ADCY1: variants seen among roughly 807,000 people sequenced by gnomAD.
The protein encoded by ADCY1 is adenylate cyclase type 1.
In ADCY1, 28 loss-of-function variants were observed where a neutral mutation model predicts 105.4. That is an observed-to-expected ratio of 0.27 (90% CI 0.20 to 0.36). The LOEUF is 0.36. ADCY1 is among the 10% of genes least tolerant of loss of function. The probability of loss-of-function intolerance (pLI) is 1.00; values close to 1 mark genes in which losing one functional copy is unlikely to be tolerated. For missense variants in ADCY1, 977 were observed against 1,434.2 expected (o/e 0.68, Z 5.15); for synonymous variants, 655 against 623.8 (o/e 1.05, Z -0.75).
At chr7:45,641,112 C>G (rs1174500655) in intron 4 of ADCY1, among the ~76,000 whole-genome samples, 1 of 152,120 alleles carries the variant, frequency 6.6e-6, no homozygotes, top group East Asian at 1.9e-4. Context: ...CAGAGCTGTC[C>G]CTGTCAAGTC....
At chr7:45,689,125 G>A (rs1008196193) in intron 14 of ADCY1, among the ~76,000 whole-genome samples, 1 of 151,514 alleles carries the variant, frequency 6.6e-6, no homozygotes, top group Non-Finnish European at 1.5e-5. Context: ...TGAATTCCAG[G>A]TTCTGGAGTG....
At chr7:45,673,042 T>G (rs897102035) in intron 8 of ADCY1, among the ~76,000 whole-genome samples, 20 of 152,166 alleles carry the variant, frequency 1.3e-4, no homozygotes, top group African/African-American at 4.8e-4. Flanking sequence ...TGTCAAATGG[T>G]TTTTCTGTAT....
intron 1 of ADCY1, among the ~76,000 whole-genome samples, chr7:45,592,031 A>C (rs917483000): frequency 3.3e-5 from 5 of 149,586 alleles, no homozygotes; most frequent in African/African-American, 7.4e-5. Context: ...CCAAATCAAC[A>C]TCTGGGCTGT....
At chr7:45,637,928 C>T (rs965161309) in intron 4 of ADCY1, among the ~76,000 whole-genome samples, 1 of 152,186 alleles carries the variant, frequency 6.6e-6, no homozygotes, top group Non-Finnish European at 1.5e-5. Flanking sequence ...ATTGTCTTCT[C>T]TCATGCTGTC....
chr7:45,610,644 T>G (rs1584267826), intron 3 of ADCY1, 147 bp downstream of exon 3: 4 of 640,350 alleles, frequency 6.2e-6, no homozygotes, highest in African/African-American at 4.8e-5. Context: ...ATGGTGAAGG[T>G]GGGGAAGTGA....
At chr7:45,623,119 C>T in intron 4 of ADCY1, among the ~76,000 whole-genome samples, 1 of 152,214 alleles carries the variant, frequency 6.6e-6, no homozygotes, top group East Asian at 1.9e-4. Flanking sequence ...CTGGGCTCTA[C>T]TGGAGCAGGC....
chr7:45,671,906 G>A (rs958161561), intron 8 of ADCY1, among the ~76,000 whole-genome samples: 2 of 152,008 alleles, frequency 1.3e-5, no homozygotes, highest in Non-Finnish European at 2.9e-5. Flanking sequence ...TCTCAACAGG[G>A]TCTTCTGTTC....
At chr7:45,706,492 C>A (rs371860182) in intron 17 of ADCY1, among the ~76,000 whole-genome samples, 267 of 59,372 alleles carry the variant, frequency 4.5e-3, no homozygotes, top group South Asian at 0.015. Context: ...ACATCACATG[C>A]AAAAAAAAAA....
intron 8 of ADCY1, among the ~76,000 whole-genome samples, chr7:45,676,751 G>T (rs1358596083): frequency 6.6e-6 from 1 of 151,968 alleles, no homozygotes; most frequent in African/African-American, 2.4e-5. Context: ...GTGGGGCCTT[G>T]GGTGTGCCTC....
At chr7:45,678,295 C>T (rs1239382832) in intron 10 of ADCY1, 32 bp downstream of exon 10, 1 of 1,593,514 alleles carries the variant, frequency 6.3e-7, no homozygotes, top group Non-Finnish European at 8.6e-7. Flanking sequence ...GTGAGGAACT[C>T]ACCAAGAAGT....
At chr7:45,580,744 T>C (rs543253027) in intron 1 of ADCY1, among the ~76,000 whole-genome samples, 55 of 152,318 alleles carry the variant, frequency 3.6e-4, no homozygotes, top group African/African-American at 1.2e-3. Context: ...CACTGTGGAC[T>C]TGCCCTTTCT....
intron 12 of ADCY1, 131 bp downstream of exon 12, chr7:45,685,199 C>T (rs1784641985): frequency 2.5e-6 from 2 of 791,272 alleles, no homozygotes. Flanking sequence ...GGCATGGGGC[C>T]CCAAGGAGCC....
intron 2 of ADCY1, among the ~76,000 whole-genome samples, chr7:45,594,609 T>G (rs1291747152): frequency 6.6e-6 from 1 of 152,212 alleles, no homozygotes; most frequent in East Asian, 1.9e-4. Flanking sequence ...CTGCCTTTCC[T>G]AAGGACTCTC....
intron 4 of ADCY1, among the ~76,000 whole-genome samples, chr7:45,643,068 A>G (rs966603722): frequency 7.4e-5 from 10 of 134,654 alleles, no homozygotes; most frequent in African/African-American, 2.2e-4. Flanking sequence ...TAAATTTCCT[A>G]TTTTGGCAAG....
chr7:45,582,643 G>C (rs950589204), intron 1 of ADCY1, among the ~76,000 whole-genome samples: 1 of 152,148 alleles, frequency 6.6e-6, no homozygotes, highest in Non-Finnish European at 1.5e-5. Flanking sequence ...CTCCCTCCCA[G>C]TGTTTCTCCT....
chr7:45,718,651 G>A lies in ADCY1; in HGVS notation c.*4656G>A, dbSNP rs1431796193. ...GCAAAAATGGGCAGTAGGGGAAATGGAGTTGCTTCAACCTTTCTCAGTCCC... is the reference window on the plus strand; with the variant it reads ...GCAAAAATGGGCAGTAGGGGAAATGAAGTTGCTTCAACCTTTCTCAGTCCC... On this transcript the variant is annotated 3_prime_UTR_variant, in exon 20 of 20. Coordinates refer to ENST00000297323, the MANE Select transcript of ADCY1 (RefSeq NM_021116.4). The A allele has an allele frequency of 2.6e-5, 4 of 152,418 alleles. No individual in the cohort carries two copies. Among genetic ancestry groups the A allele is most frequent in the Non-Finnish European group, 1.5e-5 (1 of 68,192 alleles). The allele number at this position is 152,418 out of a possible 1,614,324, so 9.4% of individuals were successfully genotyped here.
intron 4 of ADCY1, among the ~76,000 whole-genome samples, chr7:45,623,639 T>C (rs780967597): frequency 6.6e-6 from 1 of 152,208 alleles, no homozygotes; most frequent in African/African-American, 2.4e-5. Context: ...TCATCAGCCA[T>C]CAGATTGAAA....
At chr7:45,625,922 A>G (rs1216150257) in intron 4 of ADCY1, among the ~76,000 whole-genome samples, 3 of 152,108 alleles carry the variant, frequency 2.0e-5, no homozygotes, top group African/African-American at 4.8e-5. Flanking sequence ...AAAGCCCTGC[A>G]CTCTGCTATT....
chr7:45,592,484 G>A (rs1584253934), intron 1 of ADCY1, among the ~76,000 whole-genome samples: 1 of 152,210 alleles, frequency 6.6e-6, no homozygotes, highest in African/African-American at 2.4e-5. Flanking sequence ...GAGGTCCTGG[G>A]GGTTAGGGCT....
Sources: gnomAD v4.1 joint callset for allele counts (sites outside exome capture counted in the v4.1 genomes callset) on GRCh38, gnomAD v4.1.1 for gene constraint, MANE v1.5 for transcripts, NCBI Gene and HGNC (gene_info 2026-07-23, HGNC 2026-07-21) for gene names.